PCMT1: variants seen among roughly 807,000 people sequenced by gnomAD.
The protein encoded by PCMT1 is protein-L-isoaspartate (D-aspartate) O-methyltransferase, also known as protein-L-isoaspartate(D-aspartate) O-methyltransferase.
A neutral mutation model predicts 29.2 loss-of-function variants in PCMT1; 9 were observed. That is an observed-to-expected ratio of 0.31 (90% CI 0.19 to 0.54). PCMT1 has a LOEUF of 0.54. PCMT1 is among the 20% of genes least tolerant of loss of function. PCMT1 has a pLI of 0.95. For synonymous variants in PCMT1, 98 were observed against 97.5 expected (o/e 1.00, Z -0.03); for missense variants, 184 against 282.2 (o/e 0.65, Z 2.49).
chr6:149,784,683 T>G (rs1220660224), intron 3 of PCMT1, among the ~76,000 whole-genome samples: 2 of 152,086 alleles, frequency 1.3e-5, no homozygotes, highest in Non-Finnish European at 2.9e-5. Context: ...AGGCTGGTCT[T>G]GAACTCCTGA....
At chr6:149,800,918 A>C (rs1380988752) in intron 6 of PCMT1, among the ~76,000 whole-genome samples, 1 of 152,222 alleles carries the variant, frequency 6.6e-6, no homozygotes. Flanking sequence ...GTTCTATATT[A>C]GTTGGTTCAG....
intron 3 of PCMT1, among the ~76,000 whole-genome samples, chr6:149,787,857 T>C (rs1241739449): frequency 6.6e-6 from 1 of 151,960 alleles, no homozygotes; most frequent in East Asian, 1.9e-4. Flanking sequence ...GTGTGTGTAT[T>C]ATATTTCCGT....
chr6:149,772,132 A>G (rs552610304), intron 2 of PCMT1: 4 of 456,600 alleles, frequency 8.8e-6, no homozygotes, highest in South Asian at 1.5e-5. Flanking sequence ...CTGCCATGCT[A>G]TCTTCTTTTG....
chr6:149,757,130 G>T (rs1290551778), intron 1 of PCMT1, among the ~76,000 whole-genome samples: 1 of 151,830 alleles, frequency 6.6e-6, no homozygotes, highest in Non-Finnish European at 1.5e-5. Context: ...CCCCAGCCTG[G>T]GTGAAAAAGC....
intron 3 of PCMT1, among the ~76,000 whole-genome samples, chr6:149,778,196 C>T (rs956189856): frequency 6.1e-5 from 9 of 146,800 alleles, no homozygotes; most frequent in African/African-American, 2.0e-4. Flanking sequence ...TTTCTTTATT[C>T]CTTTTGCTTA....
chr6:149,808,997 G>A (rs1326846596), intron 7 of PCMT1, among the ~76,000 whole-genome samples: 1 of 148,656 alleles, frequency 6.7e-6, no homozygotes, highest in Non-Finnish European at 1.5e-5. Flanking sequence ...GCTCACACCT[G>A]TAATCCCAGC....
At chr6:149,771,097 A>G in intron 1 of PCMT1, 65 bp from the exon 2 acceptor site, 1 of 948,876 alleles carries the variant, frequency 1.1e-6, no homozygotes, top group Non-Finnish European at 1.7e-6. Context: ...CAGCTGGTGT[A>G]ATTATTCTAA....
At chr6:149,756,877 G>A (rs989881574) in intron 1 of PCMT1, among the ~76,000 whole-genome samples, 3 of 151,736 alleles carry the variant, frequency 2.0e-5, no homozygotes, top group African/African-American at 7.3e-5. Flanking sequence ...AAAATTGGCC[G>A]GGCGTGGTGG....
chr6:149,773,884 G>A (rs144973467), intron 3 of PCMT1, among the ~76,000 whole-genome samples: 1 of 152,332 alleles, frequency 6.6e-6, no homozygotes, highest in East Asian at 1.9e-4. Context: ...TCATTAGGGA[G>A]TGGTTAAGTA....
chr6:149,751,658 T>A lies in PCMT1; in HGVS notation c.55+1702T>A, dbSNP rs182787158. 4.4e-3 allele frequency among the ~76,000 whole-genome samples: 662 copies of A among 152,020 alleles called. 3 individuals carry two copies. Among genetic ancestry groups the A allele is most frequent in the African/African-American group, 0.015 (629 of 41,472 alleles). On this transcript the variant is annotated intron_variant, in intron 1 of 7. Coordinates refer to ENST00000464889, the MANE Select transcript of PCMT1 (RefSeq NM_001360452.2). Reference sequence around the variant, plus strand: ...CAGCACGCCTGGCTAATTTTTGTATTTTTAGTAGAGAAGGGGTTTCACTAT... The same window carrying A: ...CAGCACGCCTGGCTAATTTTTGTATATTTAGTAGAGAAGGGGTTTCACTAT...
Position 149,762,956 on chromosome 6 carries a change from G to GATATATATATCTATGATATA in PCMT1, c.56-8206_56-8205insATATATATATCTATGATATA, listed in dbSNP as rs1562398909. 4.9e-5 allele frequency among the ~76,000 whole-genome samples: 2 copies of GATATATATATCTATGATATA among 40,900 alleles called. 1 individual carries two copies. Among genetic ancestry groups the GATATATATATCTATGATATA allele is most frequent in the African/African-American group, 5.1e-4 (2 of 3,908 alleles). 26.8% of individuals were successfully genotyped at this position (40,900 alleles called of 152,430 possible). A position where few individuals can be genotyped will look rare whatever the true frequency, so the allele number is the denominator to read the frequency against. ...TATATGATATATATATCTATGATAT[G>GATATATATATCTATGATATA]TATATCTATGATATATATGATATAT... is the stretch of plus-strand genomic sequence containing the variant. On this transcript the variant is annotated intron_variant, in intron 1 of 7. Transcript: ENST00000464889.
intron 7 of PCMT1, chr6:149,810,188 A>G (rs1411126397): frequency 6.3e-6 from 1 of 159,982 alleles, no homozygotes; most frequent in Non-Finnish European, 1.4e-5. Context: ...GACCCACTCC[A>G]CAATTGCTAG....
chr6:149,787,366 A>G (rs1235622886), intron 3 of PCMT1, among the ~76,000 whole-genome samples: 8 of 149,170 alleles, frequency 5.4e-5, no homozygotes, highest in Admixed American at 5.3e-4. Flanking sequence ...TAAAATAGTT[A>G]TAATTTTTTT....
intron 3 of PCMT1, among the ~76,000 whole-genome samples, chr6:149,773,628 C>G (rs1787432253): frequency 6.6e-6 from 1 of 152,222 alleles, no homozygotes; most frequent in East Asian, 1.9e-4. Context: ...ATCCGCCTGC[C>G]TCGGCCTCCC....
At chr6:149,763,062 T>TATATG (rs1786896908) in intron 1 of PCMT1, among the ~76,000 whole-genome samples, 1 of 68,366 alleles carries the variant, frequency 1.5e-5, no homozygotes, top group Non-Finnish European at 2.1e-5. Context: ...ATCTATGATA[T>TATATG]ATATATCTAT....
intron 7 of PCMT1, chr6:149,810,072 T>G (rs4869731): frequency 2.0e-5 from 3 of 152,428 alleles, no homozygotes; most frequent in African/African-American, 7.3e-5. Context: ...CCTGGCTGAG[T>G]GAATGGTTTC....
Position 149,810,980 on chromosome 6 carries a change from T to C in PCMT1, c.*402T>C. ...CACTTAATTCTGTTCTGATATTAATTTATCAGATTGCTTTTGTGCATTGGA... is the reference window on the plus strand; with the variant it reads ...CACTTAATTCTGTTCTGATATTAATCTATCAGATTGCTTTTGTGCATTGGA... On this transcript the variant is annotated 3_prime_UTR_variant, in exon 8 of 8. Transcript: ENST00000464889. 1 of 193,194 alleles carries C rather than the reference T, an allele frequency of 5.2e-6. No homozygotes were observed. The highest frequency in any genetic ancestry group is 1.1e-5 in the Non-Finnish European group (1 of 95,132). 12.0% of individuals were successfully genotyped at this position (193,194 alleles called of 1,614,324 possible).
chr6:149,760,128 T>A (rs956381176), intron 1 of PCMT1, among the ~76,000 whole-genome samples: 1 of 152,164 alleles, frequency 6.6e-6, no homozygotes, highest in Non-Finnish European at 1.5e-5. Context: ...GTGTACTGAT[T>A]TCTGTTATGT....
At chr6:149,756,553 C>T (rs1478128681) in intron 1 of PCMT1, among the ~76,000 whole-genome samples, 4 of 87,676 alleles carry the variant, frequency 4.6e-5, no homozygotes, top group South Asian at 7.8e-4. Context: ...TTGGTAGAGA[C>T]GGGGTTTTGT....
Sources: gnomAD v4.1 joint callset for allele counts (sites outside exome capture counted in the v4.1 genomes callset) on GRCh38, gnomAD v4.1.1 for gene constraint, MANE v1.5 for transcripts, NCBI Gene and HGNC (gene_info 2026-07-23, HGNC 2026-07-21) for gene names.